The following IDUA variants were observed in gnomAD, a reference collection of about 807,000 sequenced individuals.
IDUA encodes iduronidase alpha-L-.
Under a neutral mutation model 68.9 loss-of-function variants are expected in IDUA, and 65 were observed. The ratio of observed to expected loss-of-function variants is 0.94; its 90% CI spans 0.77 to 1.16. IDUA has a LOEUF of 1.16. Ranked by LOEUF, IDUA falls within the 50% of genes most tolerant of loss-of-function variation. The pLI is 0.00. For synonymous variants in IDUA, 529 were observed against 433.6 expected (o/e 1.22, Z -2.73); for missense variants, 1,046 against 938.0 (o/e 1.12, Z -1.50).
chr4:988,723 A>G (rs1713948254), intron 2 of IDUA: 1 of 1,424,226 alleles, frequency 7.0e-7, no homozygotes. Context: ...GTGGCACAAG[A>G]GTGCAGCTCT....
At chr4:991,926 A>G in intron 2 of IDUA, 1 of 988,942 alleles carries the variant, frequency 1.0e-6, no homozygotes, top group Non-Finnish European at 1.5e-6. Context: ...TGCTGGATCC[A>G]GAATCCATCG....
At chr4:995,332 C>T (rs1381231749) in intron 2 of IDUA, among the ~76,000 whole-genome samples, 2 of 151,560 alleles carry the variant, frequency 1.3e-5, no homozygotes, top group African/African-American at 2.4e-5. Flanking sequence ...CGTGAGCCAC[C>T]GTGCCCGGCC....
rs200448421 is a variant in IDUA, at chr4:1,004,314, G to A, written c.1883G>A (p.Arg628Gln). The change falls in exon 14 of 14, where the codon CGA (arginine) becomes CAA (glutamine). Residue 628 changes from arginine to glutamine, a missense_variant. Coordinates refer to ENST00000514224, the MANE Select transcript of IDUA (RefSeq NM_000203.5). This position sits in a 1 kb window ranked among gnomAD's most constrained non-coding sequence, Gnocchi z 5.0. ...GTTCGAGCCCTGGACTACTGGGCCC[G>A]ACCAGGCCCCTTCTCGGACCCTGTG... ...YRVRALDYWA[R>Q]PGPFSDPVPY... The A allele has an allele frequency of 5.0e-6, 8 of 1,611,502 alleles. No homozygotes were observed. Among genetic ancestry groups the A allele is most frequent in the Non-Finnish European group, 5.1e-6 (6 of 1,179,944 alleles).
rs1715292284 is a variant in IDUA, at chr4:1,004,045, G to A, written c.1761G>A (p.Gln587=). The A allele has an allele frequency of 1.2e-6, 2 of 1,612,198 alleles. No homozygotes were observed. The highest frequency in any genetic ancestry group is 2.2e-5 in the East Asian group (1 of 44,850). Residue 587 remains glutamine (Q), a synonymous_variant, in exon 13 of 14, where the codon CAG becomes CAA. Transcript: ENST00000514224. The surrounding 1 kb of genome is among the most constrained non-coding windows in gnomAD (Gnocchi z 5.0). ...GGACATACGAGATCCAGTTCTCTCAGGACGGTAAGGCGTACACCCCGGTCA... is the reference window on the plus strand; with the variant it reads ...GGACATACGAGATCCAGTTCTCTCAAGACGGTAAGGCGTACACCCCGGTCA... ...CLWTYEIQFS[Q]DGKAYTPVSR...
intron 10 of IDUA, 50 bp downstream of exon 10, chr4:1,003,207 G>T (rs1278520222): frequency 3.1e-6 from 4 of 1,293,248 alleles, no homozygotes; most frequent in Non-Finnish European, 3.9e-6. Flanking sequence ...GGGGTCCCGG[G>T]GGGGTGGGGT....
chr4:988,190 G>A (rs1345416557), intron 2 of IDUA: 21 of 1,366,268 alleles, frequency 1.5e-5, no homozygotes, highest in Non-Finnish European at 1.6e-5. Context: ...TGGCTGCGCC[G>A]CACCTGGCTC....
Position 1,003,157 on chromosome 4 carries a change from G to T in IDUA, c.1524G>T (p.Glu508Asp). The T allele has an allele frequency of 7.1e-7, 1 of 1,403,056 alleles. No individual in the cohort carries two copies. The highest frequency in any genetic ancestry group is 1.6e-5 in the South Asian group (1 of 62,174). 86.9% of individuals were successfully genotyped at this position (1,403,056 alleles called of 1,614,324 possible). A position where few individuals can be genotyped will look rare whatever the true frequency, so the allele number is the denominator to read the frequency against. The change falls in exon 10 of 14, where the codon GAG (glutamate) becomes GAT (aspartate). Residue 508 changes from glutamate to aspartate, a missense_variant and splice_region_variant. Transcript: ENST00000514224. ...AGTTCCGGCGCATGCGCGCGGCTGA[G>T]GTAGGTGGGCCGCGGAGGGGCGAGG... ...AEQFRRMRAA[E>D]DPVAAAPRPL...
chr4:1,002,038 C>T lies in IDUA; in HGVS notation c.849C>T (p.Ile283=), dbSNP rs2153022183. 1 of 1,598,626 alleles carries T rather than the reference C, an allele frequency of 6.3e-7. No homozygotes were observed. The highest frequency in any genetic ancestry group is 8.5e-7 in the Non-Finnish European group (1 of 1,174,274). ...AGGAGAAGGTCGTCGCGCAGCAGAT[C>T]CGGCAGCTCTTCCCCAAGTTCGCGG... ...LEQEKVVAQQ[I]RQLFPKFADT... is the part of the protein sequence containing the mutation. Residue 283 remains isoleucine (I), a synonymous_variant, in exon 7 of 14, where the codon ATC becomes ATT. Transcript: ENST00000514224.
chr4:997,416 G>A (rs998035070), intron 2 of IDUA, among the ~76,000 whole-genome samples: 4 of 150,394 alleles, frequency 2.7e-5, no homozygotes, highest in African/African-American at 9.8e-5. Flanking sequence ...GAACCCCCAT[G>A]CACGCGCGGC....
rs759778057 is a variant in IDUA at position 989,865 on chromosome 4, C to T, written c.299+1916C>T. The T allele has an allele frequency of 2.8e-5, 44 of 1,575,948 alleles. No homozygotes were observed. Among genetic ancestry groups the T allele is most frequent in the East Asian group, 7.0e-5 (3 of 42,996 alleles). ...GACTGCGGGCGAACATCTCCGCCAG[C>T]GAGATGGAGAAGGCGGCAGCCACGA... is the stretch of plus-strand genomic sequence containing the variant. On this transcript the variant is annotated intron_variant, in intron 2 of 13. Transcript: ENST00000514224.
intron 2 of IDUA, among the ~76,000 whole-genome samples, chr4:998,379 A>C (rs1182546653): frequency 1.3e-5 from 2 of 152,152 alleles, no homozygotes; most frequent in South Asian, 4.1e-4. Context: ...GGAGACTGAC[A>C]GACGGGGAGC....
At chr4:1,003,268 G>C in intron 10 of IDUA, 77 bp from the exon 11 acceptor site, 3 of 1,345,596 alleles carry the variant, frequency 2.2e-6, no homozygotes, top group East Asian at 3.2e-5. Context: ...GCGGTGGGCC[G>C]GGGGCGTTCG....
At chr4:1,003,289 G>C in intron 10 of IDUA, 56 bp from the exon 11 acceptor site, 4 of 1,376,148 alleles carry the variant, frequency 2.9e-6, no homozygotes, top group Non-Finnish European at 3.7e-6. Context: ...CCCTGAGGTC[G>C]GGCCGAGCGT....
At chr4:990,504 G>T in intron 2 of IDUA, 2 of 796,970 alleles carry the variant, frequency 2.5e-6, no homozygotes, top group Non-Finnish European at 1.9e-6. Context: ...TTCCAAACCA[G>T]ACTCCTCACA....
chr4:997,025 T>C (rs1714779307), intron 2 of IDUA, among the ~76,000 whole-genome samples: 1 of 152,148 alleles, frequency 6.6e-6, no homozygotes, highest in Admixed American at 6.5e-5. Flanking sequence ...CTTACTTCCT[T>C]AGTTTTGTCT....
intron 4 of IDUA, 58 bp from the exon 5 acceptor site, chr4:1,001,410 T>A: frequency 7.1e-7 from 1 of 1,417,274 alleles, no homozygotes; most frequent in Non-Finnish European, 1.0e-6. Context: ...CCTCCCTCCG[T>A]GGGAGTCACT....
rs544022112 is a variant in IDUA at position 996,853 on chromosome 4, C to A, written c.300-3759C>A. Among the ~76,000 whole-genome samples the A allele has an allele frequency of 7.2e-5, 11 of 152,252 alleles. No homozygotes were observed. The East Asian group carries it at 2.1e-3, about 30-fold the overall frequency. On this transcript the variant is annotated intron_variant, in intron 2 of 13. Coordinates refer to ENST00000514224, the MANE Select transcript of IDUA (RefSeq NM_000203.5). The stretch of plus-strand genomic sequence containing the variant: ...GAGAGAGTGGGTAGCCCATTCTACC[C>A]CGAGCCTGTGCACGCGCAGGGCTGC...
At position 1,001,646 on chromosome 4, in the gene IDUA, G is replaced by T. The variant is rs201029971; in HGVS notation, c.590-33G>T. The T allele has an allele frequency of 3.1e-6, 5 of 1,605,848 alleles. No homozygotes were observed. In the South Asian group the frequency reaches 5.5e-5, roughly 18 times the overall value. On this transcript the variant is annotated intron_variant, in intron 5 of 13. Coordinates refer to ENST00000514224, the MANE Select transcript of IDUA (RefSeq NM_000203.5). ...CAGAGGCTAAGCCGCTCATCCCCAG[G>T]GCAGGTGTAGACGCAGTGCTCCCCC... is the stretch of plus-strand genomic sequence containing the variant.
chr4:991,260 G>A, intron 2 of IDUA: 2 of 1,612,572 alleles, frequency 1.2e-6, no homozygotes, highest in Non-Finnish European at 1.7e-6. Context: ...CGTCCTGGGA[G>A]GGGTCAAAGC....
Sources: gnomAD v4.1 joint callset for allele counts (sites outside exome capture counted in the v4.1 genomes callset) on GRCh38, gnomAD v4.1.1 for gene constraint, Gnocchi (gnomAD v3.1) non-coding constraint, MANE v1.5 for transcripts, NCBI Gene and HGNC (gene_info 2026-07-23, HGNC 2026-07-21) for gene names.